Variants in ZNF398 observed in about 807,000 individuals in gnomAD.
ZNF398 encodes the protein zinc finger DNA binding protein ZER6.
ZNF398 carries 18 observed loss-of-function variants against 41.9 expected under a neutral mutation model. The ratio of observed to expected loss-of-function variants is 0.43; its 90% CI spans 0.30 to 0.64. The LOEUF (loss-of-function observed/expected upper bound fraction) is 0.64, where lower values mean the gene tolerates loss of function less well. ZNF398 is among the 30% of genes least tolerant of loss of function. The pLI, the probability that ZNF398 is intolerant of heterozygous loss-of-function variation, is 0.14. For missense variants in ZNF398, 669 were observed against 822.8 expected (o/e 0.81, Z 2.29); for synonymous variants, 260 against 308.8 (o/e 0.84, Z 1.66).
intron 1 of ZNF398, among the ~76,000 whole-genome samples, chr7:149,150,873 T>C (rs1212129034): frequency 6.6e-6 from 1 of 152,100 alleles, no homozygotes; most frequent in Non-Finnish European, 1.5e-5. Context: ...CACACCCAGC[T>C]AATTTTTGTA....
intron 2 of ZNF398, among the ~76,000 whole-genome samples, chr7:149,156,575 T>C (rs2129520558): frequency 6.7e-6 from 1 of 149,634 alleles, no homozygotes; most frequent in African/African-American, 2.5e-5. Context: ...ACAGTAATTG[T>C]AGGCCAGGCG....
Position 149,147,759 on chromosome 7 carries a change from C to T in ZNF398, c.17C>T (p.Pro6Leu), listed in dbSNP as rs1826988711. The T allele has an allele frequency of 7.9e-6, 11 of 1,387,366 alleles. No homozygotes were observed. The highest frequency in any genetic ancestry group is 1.6e-5 in the South Asian group (1 of 63,650). The allele number at this position is 1,387,366 out of a possible 1,614,324, so 85.9% of individuals were successfully genotyped here. The change falls in exon 1 of 6, where the codon CCG becomes CTG. Residue 6 changes from proline (P) to leucine (L), a missense_variant. By Grantham distance (98) the Pro-to-Leu change is moderately conservative (BLOSUM62 -3). Coordinates refer to ENST00000475153, the MANE Select transcript of ZNF398 (RefSeq NM_170686.3). This position sits in a 1 kb window ranked among gnomAD's most constrained non-coding sequence, Gnocchi z 5.6. ...CGCAGGGCCATGGCTGAGGCGGCCC[C>T]GGCCCCGGTAAGGGCGGCCGCGCGC... The part of the protein sequence containing the change: MAEAA[P>L]APTSEWDSEC...
chr7:149,152,927 T>C (rs1794883904), intron 1 of ZNF398, among the ~76,000 whole-genome samples: 1 of 151,346 alleles, frequency 6.6e-6, no homozygotes, highest in Admixed American at 6.6e-5. Context: ...TGGCATAATC[T>C]TGGCTCACTG....
At chr7:149,164,811 G>A (rs1469321911) in intron 2 of ZNF398, among the ~76,000 whole-genome samples, 4 of 152,042 alleles carry the variant, frequency 2.6e-5, no homozygotes, top group Admixed American at 2.0e-4. Flanking sequence ...AGAAATTGTG[G>A]GAGGCCGGGC....
At chr7:149,149,129 T>TA (rs1218535647) in intron 1 of ZNF398, among the ~76,000 whole-genome samples, 9 of 151,758 alleles carry the variant, frequency 5.9e-5, no homozygotes, top group South Asian at 4.2e-4. Context: ...GTCTCTAAAA[T>TA]AAAAAAAATT....
At chr7:149,172,046 G>A (rs1488452348) in intron 4 of ZNF398, among the ~76,000 whole-genome samples, 1 of 152,086 alleles carries the variant, frequency 6.6e-6, no homozygotes, top group East Asian at 1.9e-4. Flanking sequence ...CTTATATTCA[G>A]CACAAATATA....
Position 149,148,863 on chromosome 7 carries a change from C to CTTTTTTTTTTT in ZNF398, c.24+1115_24+1125dup, listed in dbSNP as rs59895177. ...TTTATGCACGGACCTTTTTCTTTGT[C>CTTTTTTTTTTT]TTTTTTTTTTTTTTTTTTTTTTTTT... On this transcript the variant is annotated intron_variant, in intron 1 of 5. Coordinates refer to ENST00000475153, the MANE Select transcript of ZNF398 (RefSeq NM_170686.3). 3.3e-3 allele frequency among the ~76,000 whole-genome samples: 207 copies of CTTTTTTTTTTT among 63,280 alleles called. 28 individuals are homozygous for CTTTTTTTTTTT. Among genetic ancestry groups the CTTTTTTTTTTT allele is most frequent in the African/African-American group, 6.2e-3 (90 of 14,464 alleles). 41.5% of individuals were successfully genotyped at this position (63,280 alleles called of 152,430 possible).
At chr7:149,137,209 A>G (rs990606930) in intron 2 of ZNF398, among the ~76,000 whole-genome samples, 1 of 151,822 alleles carries the variant, frequency 6.6e-6, no homozygotes, top group African/African-American at 2.4e-5. Context: ...CAGTCGTCCA[A>G]ATTTGTGTGG....
chr7:149,157,148 G>A (rs533096220), intron 2 of ZNF398, among the ~76,000 whole-genome samples: 102 of 152,154 alleles, frequency 6.7e-4, no homozygotes, highest in African/African-American at 2.4e-3. Context: ...TGTGGCCTTG[G>A]GGGTGGGAGG....
chr7:149,150,902 G>T (rs1827094671), intron 1 of ZNF398, among the ~76,000 whole-genome samples: 1 of 152,084 alleles, frequency 6.6e-6, no homozygotes, highest in Non-Finnish European at 1.5e-5. Flanking sequence ...TAGAGATAGG[G>T]TTTCACCATG....
In ZNF398 at chr7:149,176,535, C is replaced by A. The variant is rs1051205447; in HGVS notation, c.729C>A (p.Ala243=). ...IKQEEEPQVG[A]PPESKESDVY... is the part of the protein sequence containing the mutation. Reference sequence around the variant, plus strand: ...AAGAAGAAGAGCCTCAGGTTGGGGCCCCACCGGAGTCCAAGGAGAGTGACG... The same window carrying A: ...AAGAAGAAGAGCCTCAGGTTGGGGCACCACCGGAGTCCAAGGAGAGTGACG... Residue 243 remains alanine (A), a synonymous_variant, in exon 5 of 6, where the codon GCC becomes GCA. Coordinates refer to ENST00000475153, the MANE Select transcript of ZNF398 (RefSeq NM_170686.3). 1 of 1,612,494 alleles carries A rather than the reference C, an allele frequency of 6.2e-7. No individual in the cohort carries two copies. The highest frequency in any genetic ancestry group is 1.3e-5 in the African/African-American group (1 of 74,652).
At chr7:149,155,941 T>G (rs939448130) in intron 2 of ZNF398, among the ~76,000 whole-genome samples, 11 of 151,720 alleles carry the variant, frequency 7.3e-5, no homozygotes, top group Non-Finnish European at 1.3e-4. Flanking sequence ...TTAGCCAGGA[T>G]GGTCTTGATC....
chr7:149,155,707 A>ATATTTTTT (rs1794954712), intron 2 of ZNF398, among the ~76,000 whole-genome samples: 3 of 73,578 alleles, frequency 4.1e-5, no homozygotes, highest in Non-Finnish European at 7.2e-5. Flanking sequence ...ATATATATAT[A>ATATTTTTT]TTTTTTTTTT....
At chr7:149,136,867 CTTTT>C (rs143502050) in intron 2 of ZNF398, among the ~76,000 whole-genome samples, 1 of 136,046 alleles carries the variant, frequency 7.4e-6, no homozygotes, top group Non-Finnish European at 1.6e-5. Context: ...CGCGCTGGGC[CTTTT>C]TTTTTTTTTT....
At position 149,178,968 on chromosome 7, in the gene ZNF398, A is replaced by G. The variant is rs1348333664; in HGVS notation, c.1096A>G (p.Thr366Ala). Residue 366 changes from threonine to alanine, a missense_variant, in exon 6 of 6, where the codon ACT (threonine) becomes GCT (alanine). By Grantham distance (58) the Thr-to-Ala change is moderately conservative. Around this residue, in one of 3 missense-constraint regions of ZNF398, gnomAD observed 290 missense variants for 292.9 expected, o/e 0.99. Coordinates refer to ENST00000475153, the MANE Select transcript of ZNF398 (RefSeq NM_170686.3). ...MLLTHQCSHA[T>A]EHPLPCAQCP... Reference sequence around the variant, plus strand: ...GCTGACCCACCAATGTAGCCATGCTACTGAGCACCCCTTACCCTGTGCCCA... The same window carrying G: ...GCTGACCCACCAATGTAGCCATGCTGCTGAGCACCCCTTACCCTGTGCCCA... The G allele has an allele frequency of 1.2e-6, 2 of 1,614,100 alleles. No homozygotes were observed. The highest frequency in any genetic ancestry group is 1.1e-5 in the South Asian group (1 of 91,090).
chr7:149,159,025 C>T (rs950788366), intron 2 of ZNF398, among the ~76,000 whole-genome samples: 16 of 150,496 alleles, frequency 1.1e-4, no homozygotes, highest in Non-Finnish European at 1.6e-4. Context: ...CTTGCTCAGG[C>T]TGCAGTGCAG....
chr7:149,161,274 C>T (rs1795100148), intron 2 of ZNF398, among the ~76,000 whole-genome samples: 1 of 152,146 alleles, frequency 6.6e-6, no homozygotes, highest in Non-Finnish European at 1.5e-5. Flanking sequence ...AGTTTTTAGG[C>T]CAGGTGTGGT....
intron 2 of ZNF398, among the ~76,000 whole-genome samples, chr7:149,140,812 G>A (rs1050814620): frequency 6.6e-6 from 1 of 152,086 alleles, no homozygotes; most frequent in African/African-American, 2.4e-5. Flanking sequence ...AGTCAAGGCA[G>A]GAGCATCCCT....
chr7:149,155,751 G>A (rs1209377438), intron 2 of ZNF398, among the ~76,000 whole-genome samples: 1 of 105,986 alleles, frequency 9.4e-6, no homozygotes, highest in Non-Finnish European at 1.9e-5. Flanking sequence ...TTTTGAGATG[G>A]AGTCTCACTC....
Sources: gnomAD v4.1 joint callset for allele counts (sites outside exome capture counted in the v4.1 genomes callset) on GRCh38, gnomAD v4.1.1 for gene constraint, gnomAD v4.1.1 regional missense constraint, Gnocchi (gnomAD v3.1) non-coding constraint, MANE v1.5 for transcripts, NCBI Gene and HGNC (gene_info 2026-07-23, HGNC 2026-07-21) for gene names.